Variants in MBD3L1 observed in about 807,000 individuals in gnomAD.
MBD3L1 encodes methyl-CpG binding domain protein 3 like 1.
For missense variants in MBD3L1, 203 were observed against 230.1 expected (o/e 0.88, Z 0.76); for synonymous variants, 84 against 85.1 (o/e 0.99, Z 0.07).
At chr19:8,837,794 G>A (rs373427820) in intron 1 of MBD3L1, among the ~76,000 whole-genome samples, 1 of 152,116 alleles carries the variant, frequency 6.6e-6, no homozygotes, top group Admixed American at 6.5e-5. Flanking sequence ...ACCAGATGAC[G>A]CATAAAATAA....
At chr19:8,834,627 C>T (rs1409106957) in intron 1 of MBD3L1, among the ~76,000 whole-genome samples, 7 of 146,346 alleles carry the variant, frequency 4.8e-5, no homozygotes, top group Admixed American at 3.4e-4. Context: ...CAAACCAAAA[C>T]CAAAAAAAAA....
At chr19:8,840,373 C>G (rs1192264918) in intron 1 of MBD3L1, among the ~76,000 whole-genome samples, 4 of 152,142 alleles carry the variant, frequency 2.6e-5, no homozygotes, top group Admixed American at 2.6e-4. Context: ...CTGATTGCCG[C>G]TCACTGCAAC....
At chr19:8,838,555 G>A (rs562865582) in intron 1 of MBD3L1, among the ~76,000 whole-genome samples, 1 of 152,238 alleles carries the variant, frequency 6.6e-6, no homozygotes, top group East Asian at 1.9e-4. Flanking sequence ...AGCCACAGAT[G>A]GCATGCCACA....
chr19:8,839,723 TGA>T (rs1422170998), intron 1 of MBD3L1, among the ~76,000 whole-genome samples: 1 of 151,102 alleles, frequency 6.6e-6, no homozygotes, highest in African/African-American at 2.4e-5. Flanking sequence ...TTGCTGGAGG[TGA>T]GGAGATAGGA....
At chr19:8,841,402 G>T (rs2044511507) in intron 2 of MBD3L1, among the ~76,000 whole-genome samples, 1 of 152,068 alleles carries the variant, frequency 6.6e-6, no homozygotes, top group Non-Finnish European at 1.5e-5. Flanking sequence ...GAGAGAGGAA[G>T]GTGAAGATAC....
At chr19:8,842,564 G>A in intron 2 of MBD3L1, 94 bp from the exon 3 acceptor site, 1 of 872,682 alleles carries the variant, frequency 1.1e-6, no homozygotes, top group Non-Finnish European at 1.7e-6. Flanking sequence ...GAGGGAGAGA[G>A]GAAGGATGAA....
In MBD3L1 at chr19:8,842,794, T is replaced by G; in HGVS notation, c.116T>G (p.Val39Gly). 2 of 1,614,206 alleles carry G rather than the reference T, an allele frequency of 1.2e-6. No individual in the cohort carries two copies. Among genetic ancestry groups the G allele is most frequent in the South Asian group, 1.1e-5 (1 of 91,084 alleles). Residue 39 changes from valine to glycine, a missense_variant, in exon 3 of 3, where the codon GTA becomes GGA. Coordinates refer to ENST00000595891, the MANE Select transcript of MBD3L1 (RefSeq NM_001393532.1). ...TCCAGTTACACATTCAAGAGGCCAG[T>G]AACGAGAATTACACCCCATCCTGGC... ...RMSSYTFKRP[V>G]TRITPHPGNE...
At chr19:8,837,556 G>A (rs2044467624) in intron 1 of MBD3L1, among the ~76,000 whole-genome samples, 1 of 152,130 alleles carries the variant, frequency 6.6e-6, no homozygotes, top group South Asian at 2.1e-4. Flanking sequence ...CCTCGAATGG[G>A]GGTGGCTAGA....
At chr19:8,832,796 G>A (rs1298843860) in intron 1 of MBD3L1, among the ~76,000 whole-genome samples, 1 of 152,136 alleles carries the variant, frequency 6.6e-6, no homozygotes, top group African/African-American at 2.4e-5. Context: ...CTCCATTTCC[G>A]GGGCGGGGCT....
At chr19:8,834,520 A>G (rs1221448828) in intron 1 of MBD3L1, among the ~76,000 whole-genome samples, 1 of 151,718 alleles carries the variant, frequency 6.6e-6, no homozygotes, top group South Asian at 2.1e-4. Context: ...AGGCAGAAGA[A>G]TCGTTTGAAC....
In MBD3L1 at chr19:8,843,150, G is replaced by T; in HGVS notation, c.472G>T (p.Glu158Ter). 1 of 1,613,798 alleles carries T rather than the reference G, an allele frequency of 6.2e-7. No individual in the cohort carries two copies. Among genetic ancestry groups the T allele is most frequent in the Non-Finnish European group, 8.5e-7 (1 of 1,179,914 alleles). Reference sequence around the variant, plus strand: ...TACTGAGGAAGATATCAGGAAACAGGAAGGGAAAGTGAAGACAGTCAGAGA... The same window carrying T: ...TACTGAGGAAGATATCAGGAAACAGTAAGGGAAAGTGAAGACAGTCAGAGA... ...LVTEEDIRKQEGKVKTVRERL... is the reference protein window; with the variant it reads ...LVTEEDIRKQ Residue 158 changes from glutamate to a stop codon, truncating the protein, a stop_gained, in exon 3 of 3, where the codon GAA (glutamate) becomes TAA (stop). Transcript: ENST00000595891. LOFTEE classifies it low-confidence loss of function (END_TRUNC).
chr19:8,834,479 G>A (rs550412537), intron 1 of MBD3L1, among the ~76,000 whole-genome samples: 16 of 151,706 alleles, frequency 1.1e-4, no homozygotes, highest in Non-Finnish European at 2.1e-4. Flanking sequence ...GTGGTGGCGG[G>A]CGCCTATAGT....
At chr19:8,841,840 A>G (rs912554248) in intron 2 of MBD3L1, among the ~76,000 whole-genome samples, 7 of 152,134 alleles carry the variant, frequency 4.6e-5, no homozygotes, top group Non-Finnish European at 1.0e-4. Flanking sequence ...TACAGATGTA[A>G]GCCACTGTGC....
intron 2 of MBD3L1, 68 bp from the exon 3 acceptor site, chr19:8,842,590 A>C: frequency 8.7e-7 from 1 of 1,153,242 alleles, no homozygotes; most frequent in Non-Finnish European, 1.2e-6. Flanking sequence ...AGAACAGCTG[A>C]GATCCTTGTC....
intron 1 of MBD3L1, among the ~76,000 whole-genome samples, chr19:8,839,979 C>T (rs1042707731): frequency 7.2e-5 from 11 of 151,928 alleles, no homozygotes; most frequent in East Asian, 5.8e-4. Context: ...GTCAGGAGTT[C>T]GAGGCCACTC....
intron 1 of MBD3L1, among the ~76,000 whole-genome samples, chr19:8,834,960 G>C (rs1031581481): frequency 2.0e-5 from 3 of 151,658 alleles, no homozygotes; most frequent in Admixed American, 1.3e-4. Flanking sequence ...ATTTACAAAT[G>C]ATTTATCTGA....
Position 8,843,251 on chromosome 19 carries a change from T to C in MBD3L1, c.573T>C (p.Pro191=), listed in dbSNP as rs957804240. 2.5e-6 allele frequency: 4 copies of C among 1,573,746 alleles called. No individual in the cohort carries two copies. The highest frequency in any genetic ancestry group is 1.9e-5 in the Admixed American group (1 of 52,826). Residue 191 remains proline (P), a synonymous_variant, in exon 3 of 3, where the codon CCT becomes CCC. Transcript: ENST00000595891. ...AAGTGAGAGACCAAGAAGGCCGTCCTGAAAAACGCTAAGAAAAAAAGGGAA... is the reference window on the plus strand; with the variant it reads ...AAGTGAGAGACCAAGAAGGCCGTCCCGAAAAACGCTAAGAAAAAAAGGGAA... ...AEKVRDQEGR[P]EKR
intron 1 of MBD3L1, among the ~76,000 whole-genome samples, chr19:8,840,055 G>A (rs1240886847): frequency 6.6e-6 from 1 of 151,910 alleles, no homozygotes; most frequent in East Asian, 1.9e-4. Context: ...ATAGAGGTAT[G>A]TGCCTGTAAT....
intron 1 of MBD3L1, among the ~76,000 whole-genome samples, chr19:8,838,252 CAAAA>C (rs542318207): frequency 1.3e-3 from 15 of 11,826 alleles, no homozygotes; most frequent in East Asian, 4.1e-3. Context: ...GACTCCATCT[CAAAA>C]AAAAAAAAAA....
Sources: allele counts gnomAD v4.1 joint callset (sites outside exome capture counted in the v4.1 genomes callset), GRCh38; gene constraint gnomAD v4.1.1; transcripts MANE v1.5; gene names NCBI Gene and HGNC (gene_info 2026-07-23, HGNC 2026-07-21).